NBEA: variants seen among roughly 807,000 people sequenced by gnomAD.
NBEA encodes neurobeachin, also known as lysosomal-trafficking regulator 2.
A neutral mutation model predicts 343.4 loss-of-function variants in NBEA; 44 were observed. The observed-to-expected ratio is 0.13, with a 90% CI of 0.10 to 0.16. NBEA has a LOEUF of 0.16. Among genes scored for constraint, NBEA ranks in the 10% least tolerant of loss-of-function variants. NBEA has a pLI of 1.00. For synonymous variants in NBEA, 1,175 were observed against 1,238.7 expected (o/e 0.95, Z 1.08); for missense variants, 2,555 against 3,631.3 (o/e 0.70, Z 7.62).
At chr13:35,115,140 TAAATA>T (rs1376291553) in intron 13 of NBEA, among the ~76,000 whole-genome samples, 1 of 152,104 alleles carries the variant, frequency 6.6e-6, no homozygotes, top group Non-Finnish European at 1.5e-5. Context: ...CAAAGGTTTA[TAAATA>T]AAATGTTACT....
chr13:35,069,959 A>G lies in NBEA; in HGVS notation c.1291A>G (p.Lys431Glu). The change falls in exon 9 of 59, where the codon AAA becomes GAA. Residue 431 changes from lysine to glutamate, a missense_variant. By Grantham distance (56) the Lys-to-Glu change is moderately conservative. This residue lies in a region of NBEA where 75 missense variants were observed against 237.4 expected (regional missense o/e 0.32). Transcript: ENST00000379939. ...ESDIHLAEHH[K>E]QVLYDGKLAS... ...TGATATTCATTTGGCAGAACATCAT[A>G]AACAGGTGTTATATGATGGGAAACT... The G allele has an allele frequency of 6.2e-7, 1 of 1,600,610 alleles. No homozygotes were observed. Among genetic ancestry groups the G allele is most frequent in the Non-Finnish European group, 8.5e-7 (1 of 1,173,432 alleles).
At chr13:34,946,341 CAT>C (rs1264441434) in intron 1 of NBEA, among the ~76,000 whole-genome samples, 2 of 152,102 alleles carry the variant, frequency 1.3e-5, no homozygotes, top group East Asian at 3.8e-4. Context: ...ACACACTTAA[CAT>C]ATGTTTATAT....
At chr13:35,084,363 T>G (rs571456955) in intron 10 of NBEA, among the ~76,000 whole-genome samples, 4 of 149,188 alleles carry the variant, frequency 2.7e-5, no homozygotes, top group African/African-American at 1.0e-4. Context: ...GAACAGAAAT[T>G]ATAACAAACT....
At position 34,947,468 on chromosome 13, in the gene NBEA, G is replaced by T. The variant is rs943999593; in HGVS notation, c.294+4354G>T. On this transcript the variant is annotated intron_variant, in intron 1 of 58. Transcript: ENST00000379939. ...CCCGTTTTGTGTCACTGGTATAGCT[G>T]TATTATAAAATTCAGTCACCTGCAT... is the stretch of plus-strand genomic sequence containing the variant. 9.9e-5 allele frequency among the ~76,000 whole-genome samples: 15 copies of T among 151,974 alleles called. No individual in the cohort carries two copies. In the East Asian group the frequency reaches 2.9e-3, roughly 29 times the overall value.
At chr13:35,622,894 G>A (rs74988401) in intron 48 of NBEA, among the ~76,000 whole-genome samples, 1,728 of 152,108 alleles carry the variant, frequency 0.011, 45 homozygotes, top group African/African-American at 0.039. Context: ...AAATTTCGGA[G>A]AAGCTTTACC....
chr13:35,468,771 G>C (rs749332750), intron 40 of NBEA, among the ~76,000 whole-genome samples: 6 of 152,046 alleles, frequency 3.9e-5, no homozygotes, highest in Non-Finnish European at 7.4e-5. Flanking sequence ...CTTAAAATTT[G>C]TGAATATTGG....
Position 35,511,888 on chromosome 13 carries a change from G to A in NBEA, c.6586-38589G>A, listed in dbSNP as rs371921762. Among the ~76,000 whole-genome samples, 4 of 152,220 alleles carry A rather than the reference G, an allele frequency of 2.6e-5. 1 individual carries two copies. Among genetic ancestry groups the A allele is most frequent in the African/African-American group, 7.2e-5 (3 of 41,546 alleles). ...ACTGTTTGCAAATAATTAGGAGAAT[G>A]ACAAAAAAGTATGGTTGGAAATTGT... On this transcript the variant is annotated intron_variant, in intron 41 of 58. Transcript: ENST00000379939.
intron 36 of NBEA, among the ~76,000 whole-genome samples, chr13:35,324,120 A>G (rs960436767): frequency 2.0e-5 from 3 of 152,202 alleles, no homozygotes; most frequent in African/African-American, 4.8e-5. Flanking sequence ...TGCAGGTAGA[A>G]GTGAATTAAC....
chr13:35,400,224 A>G (rs1022866535), intron 38 of NBEA, among the ~76,000 whole-genome samples: 2 of 135,944 alleles, frequency 1.5e-5, no homozygotes, highest in Non-Finnish European at 3.2e-5. Context: ...AAAAAAAAAA[A>G]GTATCTGTGA....
At chr13:35,109,512 A>G (rs1014630827) in intron 12 of NBEA, 70 bp downstream of exon 12, 8 of 1,324,654 alleles carry the variant, frequency 6.0e-6, no homozygotes, top group Non-Finnish European at 7.9e-6. Flanking sequence ...GATCTATAGT[A>G]TTCAGTGGAA....
intron 55 of NBEA, among the ~76,000 whole-genome samples, chr13:35,656,329 A>G (rs1253948297): frequency 6.6e-6 from 1 of 152,220 alleles, no homozygotes. Flanking sequence ...TCCCATAGGA[A>G]GAAAGCGTTG....
At chr13:35,231,863 T>C (rs2152770172) in intron 33 of NBEA, among the ~76,000 whole-genome samples, 1 of 152,240 alleles carries the variant, frequency 6.6e-6, no homozygotes, top group South Asian at 2.1e-4. Context: ...AATATTTTCC[T>C]CCTCCCCATT....
chr13:35,518,662 T>C (rs1044003105), intron 41 of NBEA, among the ~76,000 whole-genome samples: 3 of 152,220 alleles, frequency 2.0e-5, no homozygotes, highest in African/African-American at 4.8e-5. Context: ...CCTGCAGTTT[T>C]ATAAAAGGAA....
At chr13:35,425,574 A>G (rs868855560) in intron 38 of NBEA, among the ~76,000 whole-genome samples, 46 of 152,174 alleles carry the variant, frequency 3.0e-4, no homozygotes, top group African/African-American at 9.6e-4. Context: ...CAACTATGTG[A>G]TCAATTTTGG....
intron 17 of NBEA, among the ~76,000 whole-genome samples, chr13:35,135,954 T>C (rs1049654205): frequency 3.3e-5 from 5 of 151,806 alleles, no homozygotes; most frequent in Admixed American, 6.6e-5. Context: ...ACAAACATTT[T>C]ACAAAGAATA....
At position 35,089,530 on chromosome 13, in the gene NBEA, T is replaced by C. The variant is rs1173145502; in HGVS notation, c.1572-8767T>C. 2.0e-4 allele frequency among the ~76,000 whole-genome samples: 20 copies of C among 97,740 alleles called. 1 individual carries two copies. Among genetic ancestry groups the C allele is most frequent in the African/African-American group, 8.2e-4 (19 of 23,286 alleles). The allele number at this position is 97,740 out of a possible 152,430, so 64.1% of individuals were successfully genotyped here. On this transcript the variant is annotated intron_variant, in intron 10 of 58. Coordinates refer to ENST00000379939, the MANE Select transcript of NBEA (RefSeq NM_001385012.1). ...TTCCTCAGGGATCTAGAACTAGAAA[T>C]ACCATTTGACCCAGCCATCCCATTA...
chr13:35,390,640 C>G (rs971157357), intron 38 of NBEA, among the ~76,000 whole-genome samples: 4 of 152,012 alleles, frequency 2.6e-5, no homozygotes, highest in African/African-American at 9.7e-5. Flanking sequence ...TAAAATAAGG[C>G]TATTTTAGAG....
At chr13:35,506,688 T>C (rs757440651) in intron 41 of NBEA, among the ~76,000 whole-genome samples, 6 of 152,132 alleles carry the variant, frequency 3.9e-5, no homozygotes, top group Non-Finnish European at 8.8e-5. Flanking sequence ...AATTATTTCA[T>C]TGCAATTTTT....
intron 34 of NBEA, among the ~76,000 whole-genome samples, chr13:35,282,351 G>T (rs145650802): frequency 1.3e-5 from 2 of 152,116 alleles, no homozygotes; most frequent in Non-Finnish European, 2.9e-5. Flanking sequence ...TGTGTACATG[G>T]TTAAAACACA....
Sources: allele counts gnomAD v4.1 joint callset (sites outside exome capture counted in the v4.1 genomes callset), GRCh38; gene constraint gnomAD v4.1.1; regional missense constraint gnomAD v4.1.1; transcripts MANE v1.5; gene names NCBI Gene and HGNC (gene_info 2026-07-23, HGNC 2026-07-21).